Variants in SORCS3 observed in about 807,000 individuals in gnomAD.
The protein encoded by SORCS3 is sortilin related VPS10 domain containing receptor 3, also known as VPS10 domain-containing receptor SorCS3.
Under a neutral mutation model 146.3 loss-of-function variants are expected in SORCS3, and 57 were observed. The ratio of observed to expected loss-of-function variants is 0.39; its 90% CI spans 0.31 to 0.49. The LOEUF (loss-of-function observed/expected upper bound fraction) is 0.49. Ranked by LOEUF, SORCS3 falls within the 20% of genes least tolerant of loss-of-function variation. The pLI is 0.92. For synonymous variants in SORCS3, 653 were observed against 618.5 expected (o/e 1.06, Z -0.83); for missense variants, 1,341 against 1,575.5 (o/e 0.85, Z 2.52).
intron 3 of SORCS3, among the ~76,000 whole-genome samples, chr10:104,960,016 C>G (rs1303325738): frequency 6.6e-6 from 1 of 152,116 alleles, no homozygotes; most frequent in Non-Finnish European, 1.5e-5. Flanking sequence ...GTTGTTGCAG[C>G]AGCAAGTTGC....
intron 26 of SORCS3, among the ~76,000 whole-genome samples, chr10:105,263,004 T>C (rs2056970809): frequency 6.6e-6 from 1 of 152,216 alleles, no homozygotes; most frequent in South Asian, 2.1e-4. Flanking sequence ...TGCTGTTATG[T>C]CATTAGCCCA....
intron 13 of SORCS3, among the ~76,000 whole-genome samples, chr10:105,176,570 A>G (rs2056404725): frequency 6.6e-6 from 1 of 151,366 alleles, no homozygotes; most frequent in South Asian, 2.1e-4. Context: ...AAAACAAAAA[A>G]CATGGCCAGG....
At position 105,216,937 on chromosome 10, in the gene SORCS3, G is replaced by A. The variant is rs1248020226; in HGVS notation, c.2549G>A (p.Gly850Asp). 4.3e-6 allele frequency: 7 copies of A among 1,614,046 alleles called. No individual in the cohort carries two copies. The highest frequency in any genetic ancestry group is 5.9e-6 in the Non-Finnish European group (7 of 1,180,030). The change falls in exon 19 of 27, where the codon GGT becomes GAT. Residue 850 changes from glycine to aspartate, a missense_variant and splice_region_variant. Gly to Asp is a moderately conservative substitution (Grantham distance 94, BLOSUM62 -1). Coordinates refer to ENST00000369701, the MANE Select transcript of SORCS3 (RefSeq NM_014978.3). The stretch of plus-strand genomic sequence containing the variant: ...CCCGTCTGCTATGCCATCTTGCAGG[G>A]TGATCTACAAAGGACAAACATCCAG... ...NATFIILMEE[G>D]DLQRTNIQLD...
chr10:105,118,302 G>T (rs1185157054), intron 7 of SORCS3, among the ~76,000 whole-genome samples: 17 of 152,102 alleles, frequency 1.1e-4, no homozygotes, highest in Non-Finnish European at 2.9e-5. Flanking sequence ...TGTGAAGAAG[G>T]TGCCTTTCTT....
chr10:105,010,183 C>T (rs554356056), intron 4 of SORCS3, among the ~76,000 whole-genome samples: 1 of 152,254 alleles, frequency 6.6e-6, no homozygotes, highest in East Asian at 1.9e-4. Flanking sequence ...ATGATATGTA[C>T]TCCACAAGAT....
intron 1 of SORCS3, among the ~76,000 whole-genome samples, chr10:104,786,524 G>A (rs1291080927): frequency 4.6e-5 from 6 of 129,862 alleles, no homozygotes; most frequent in Non-Finnish European, 3.2e-5. Flanking sequence ...CTCCAGCTTG[G>A]GCTACAAGTA....
chr10:104,881,705 C>T (rs538393640), intron 2 of SORCS3, among the ~76,000 whole-genome samples: 3 of 152,094 alleles, frequency 2.0e-5, no homozygotes, highest in Admixed American at 6.5e-5. Context: ...CTTTGATCTA[C>T]GGATGATTGA....
At chr10:104,775,593 G>T (rs144770304) in intron 1 of SORCS3, among the ~76,000 whole-genome samples, 1 of 152,150 alleles carries the variant, frequency 6.6e-6, no homozygotes, top group Admixed American at 6.5e-5. Flanking sequence ...TGACAATCAG[G>T]ACAGAAAAAT....
At chr10:104,671,291 G>T (rs933576883) in intron 1 of SORCS3, among the ~76,000 whole-genome samples, 2 of 117,844 alleles carry the variant, frequency 1.7e-5, no homozygotes, top group African/African-American at 6.4e-5. Context: ...TTTTTATATG[G>T]CTCCTATTAT....
intron 13 of SORCS3, among the ~76,000 whole-genome samples, chr10:105,168,019 G>C (rs995708154): frequency 1.3e-5 from 2 of 152,104 alleles, no homozygotes; most frequent in Non-Finnish European, 2.9e-5. Context: ...GAATGCTGAA[G>C]AAAGGGGTGA....
chr10:105,191,564 A>G (rs2056517146), intron 14 of SORCS3, among the ~76,000 whole-genome samples: 1 of 152,210 alleles, frequency 6.6e-6, no homozygotes, highest in African/African-American at 2.4e-5. Flanking sequence ...AATATTGAAT[A>G]ACATTATTAG....
intron 4 of SORCS3, among the ~76,000 whole-genome samples, chr10:105,033,597 A>G (rs900983835): frequency 6.6e-6 from 1 of 152,188 alleles, no homozygotes; most frequent in Non-Finnish European, 1.5e-5. Flanking sequence ...GTTTTGATGC[A>G]TAAGTGAATG....
chr10:104,867,606 GC>G (rs1437089666), intron 2 of SORCS3, among the ~76,000 whole-genome samples: 1 of 152,022 alleles, frequency 6.6e-6, no homozygotes, highest in Admixed American at 6.6e-5. Flanking sequence ...ACTGCACCTG[GC>G]CCAGTGTACA....
At chr10:104,646,930 A>G (rs555036360) in intron 1 of SORCS3, among the ~76,000 whole-genome samples, 9 of 152,220 alleles carry the variant, frequency 5.9e-5, no homozygotes, top group African/African-American at 2.2e-4. Flanking sequence ...CTTTGTTGGT[A>G]GTCAGTGGAG....
intron 2 of SORCS3, among the ~76,000 whole-genome samples, chr10:104,895,353 A>G (rs1589540124): frequency 6.6e-6 from 1 of 152,206 alleles, no homozygotes; most frequent in African/African-American, 2.4e-5. Context: ...CTCGTGCCCC[A>G]TCCCTTAAAG....
intron 1 of SORCS3, among the ~76,000 whole-genome samples, chr10:104,706,410 T>G (rs778412604): frequency 1.3e-5 from 2 of 151,988 alleles, no homozygotes; most frequent in Non-Finnish European, 2.9e-5. Flanking sequence ...GCTTTCACCA[T>G]GTTGGCCAGG....
At chr10:105,241,206 G>T (rs1039521935) in intron 20 of SORCS3, among the ~76,000 whole-genome samples, 1 of 152,104 alleles carries the variant, frequency 6.6e-6, no homozygotes, top group Non-Finnish European at 1.5e-5. Flanking sequence ...CACTGAACTC[G>T]CAGCAGTGGT....
intron 7 of SORCS3, among the ~76,000 whole-genome samples, chr10:105,125,884 C>G (rs2055970573): frequency 6.6e-6 from 1 of 152,030 alleles, no homozygotes; most frequent in Non-Finnish European, 1.5e-5. Context: ...GTTTCAAGGT[C>G]CAGAAGCACT....
chr10:104,930,648 A>T (rs920997347), intron 3 of SORCS3, among the ~76,000 whole-genome samples: 3 of 152,208 alleles, frequency 2.0e-5, no homozygotes, highest in African/African-American at 7.2e-5. Flanking sequence ...CATAAGAGTA[A>T]GCATCAGTGC....
Sources: allele counts gnomAD v4.1 joint callset (sites outside exome capture counted in the v4.1 genomes callset), GRCh38; gene constraint gnomAD v4.1.1; transcripts MANE v1.5; gene names NCBI Gene and HGNC (gene_info 2026-07-23, HGNC 2026-07-21).